ITGAL: variants seen among roughly 807,000 people sequenced by gnomAD.
The protein encoded by ITGAL is integrin subunit alpha L.
Under a neutral mutation model 138.4 loss-of-function variants are expected in ITGAL, and 68 were observed. The observed-to-expected ratio is 0.49, with a 90% confidence interval of 0.40 to 0.60. ITGAL has a LOEUF of 0.60. ITGAL is among the 20% of genes least tolerant of loss of function. The pLI is 0.00. For synonymous variants in ITGAL, 561 were observed against 584.3 expected (o/e 0.96, Z 0.57); for missense variants, 1,256 against 1,478.6 (o/e 0.85, Z 2.47).
At chr16:30,472,984 G>A in intron 1 of ITGAL, 86 bp downstream of exon 1, 1 of 1,305,564 alleles carries the variant, frequency 7.7e-7, no homozygotes, top group Middle Eastern at 1.8e-4. Flanking sequence ...TAAACAAGGA[G>A]CTGCCCCCTA....
rs751774686 is a variant in ITGAL at position 30,496,189 on chromosome 16, C to G, written c.1596C>G (p.Asn532Lys). 1.2e-6 allele frequency: 2 copies of G among 1,614,004 alleles called. No homozygotes were observed. The highest frequency in any genetic ancestry group is 1.7e-6 in the Non-Finnish European group (2 of 1,179,946). ...GEAITALTDI[N>K]GDGLVDVAVG... Reference sequence around the variant, plus strand: ...CCATCACTGCTCTGACAGACATCAACGGCGATGGGCTGGTAGACGTGGCTG... The same window carrying G: ...CCATCACTGCTCTGACAGACATCAAGGGCGATGGGCTGGTAGACGTGGCTG... The change falls in exon 14 of 31, where the codon AAC becomes AAG. Residue 532 changes from asparagine (N) to lysine (K), a missense_variant. Physicochemically the swap from Asn to Lys is moderately conservative, Grantham distance 94 (BLOSUM62 0). Transcript: ENST00000356798.
At position 30,518,666 on chromosome 16, in the gene ITGAL, T is replaced by A. The variant is rs993645624; in HGVS notation, c.3175T>A (p.Phe1059Ile). Residue 1059 changes from phenylalanine to isoleucine, a missense_variant, in exon 29 of 31, where the codon TTC becomes ATC. This residue lies in a region of ITGAL where 867 missense variants were observed against 972.5 expected (regional missense o/e 0.89). Coordinates refer to ENST00000356798, the MANE Select transcript of ITGAL (RefSeq NM_002209.3). ...CCTCTGCAGCTCCCTCTCCATCTCC[T>A]TCAACAGCAGCAAGCATTTCCACCT... ...FSLCSSLSIS[F>I]NSSKHFHLYG... 1 of 1,613,906 alleles carries A rather than the reference T, an allele frequency of 6.2e-7. No homozygotes were observed. Among genetic ancestry groups the A allele is most frequent in the African/African-American group, 1.3e-5 (1 of 74,886 alleles).
In ITGAL at chr16:30,506,775, C is replaced by T. The variant is rs2230434; in HGVS notation, c.2427C>T (p.Asn809=). The T allele has an allele frequency of 0.093, 150,220 of 1,613,518 alleles. 8,329 individuals carry two copies. The highest frequency in any genetic ancestry group is 0.11 in the Non-Finnish European group (133,385 of 1,179,592). Residue 809 remains asparagine (N), a synonymous_variant, in exon 21 of 31, where the codon AAC becomes AAT. Coordinates refer to ENST00000356798, the MANE Select transcript of ITGAL (RefSeq NM_002209.3). ...ASLSVELSLS[N]LEEDAYWVQL... is the part of the protein sequence containing the mutation. The stretch of plus-strand genomic sequence containing the variant: ...TCTCTGTGGAGCTGAGCCTGAGTAA[C>T]TTGGAAGAAGATGCTTACTGGGTCC...
In ITGAL at chr16:30,475,543, T is replaced by A; in HGVS notation, c.290T>A (p.Met97Lys). ...GSNYTSKYLG[M>K]TLATDPTDGS... ...AACTATACCTCCAAGTACTTGGGAA[T>A]GACCTTGGCAACAGACCCCACAGAT... The change falls in exon 4 of 31, where the codon ATG becomes AAG. Residue 97 changes from methionine (M) to lysine (K), a missense_variant. Transcript: ENST00000356798. 1 of 1,614,024 alleles carries A rather than the reference T, an allele frequency of 6.2e-7. No homozygotes were observed. Among genetic ancestry groups the A allele is most frequent in the Non-Finnish European group, 8.5e-7 (1 of 1,179,956 alleles).
At chr16:30,509,825 G>C (rs375065056) in intron 21 of ITGAL, among the ~76,000 whole-genome samples, 1 of 152,020 alleles carries the variant, frequency 6.6e-6, no homozygotes, top group African/African-American at 2.4e-5. Flanking sequence ...GATCTCTTGA[G>C]CCCAGGAGTT....
At chr16:30,515,627 C>A (rs1398767010) in intron 25 of ITGAL, among the ~76,000 whole-genome samples, 3 of 152,168 alleles carry the variant, frequency 2.0e-5, no homozygotes, top group African/African-American at 7.2e-5. Flanking sequence ...GCCATCCTGG[C>A]TCCCCACATG....
intron 11 of ITGAL, among the ~76,000 whole-genome samples, chr16:30,490,387 T>C (rs1305515185): frequency 6.6e-6 from 1 of 152,084 alleles, no homozygotes; most frequent in Non-Finnish European, 1.5e-5. Context: ...AGGCCACCGC[T>C]ATAGCCCAGA....
intron 17 of ITGAL, among the ~76,000 whole-genome samples, chr16:30,499,712 T>TATATATATGTGTATATATATATAC (rs1226341333): frequency 2.5e-3 from 109 of 43,608 alleles, no homozygotes; most frequent in East Asian, 7.6e-3. Context: ...TATATATATA[T>TATATATATGTGTATATATATATAC]GTATATATAT....
intron 25 of ITGAL, among the ~76,000 whole-genome samples, 177 bp from the exon 26 acceptor site, chr16:30,516,796 G>A (rs925828443): frequency 6.6e-6 from 1 of 152,188 alleles, no homozygotes; most frequent in African/African-American, 2.4e-5. Flanking sequence ...AAGCCACACT[G>A]CAAGGCCCTG....
Position 30,494,419 on chromosome 16 carries a change from C to G in ITGAL, c.1365+56C>G. On this transcript the variant is annotated intron_variant, in intron 12 of 30. Coordinates refer to ENST00000356798, the MANE Select transcript of ITGAL (RefSeq NM_002209.3). The surrounding 1 kb of genome is among the most constrained non-coding windows in gnomAD (Gnocchi z 4.2). ...AGGGACTGGCGGGACACACATCACACTCCCTTCTGTCCTTTGAATGCTCAT... is the reference window on the plus strand; with the variant it reads ...AGGGACTGGCGGGACACACATCACAGTCCCTTCTGTCCTTTGAATGCTCAT... The G allele has an allele frequency of 6.6e-7, 1 of 1,525,024 alleles. No homozygotes were observed. Among genetic ancestry groups the G allele is most frequent in the Non-Finnish European group, 8.9e-7 (1 of 1,124,446 alleles). 94.5% of individuals were successfully genotyped at this position (1,525,024 alleles called of 1,614,324 possible). A position where few individuals can be genotyped will look rare whatever the true frequency, so the allele number is the denominator to read the frequency against.
chr16:30,513,818 A>G lies in ITGAL; in HGVS notation c.2834A>G (p.Lys945Arg), dbSNP rs1214752835. The change falls in exon 25 of 31, where the codon AAG becomes AGG. Residue 945 changes from lysine to arginine, a missense_variant. This residue lies in a region of ITGAL where 867 missense variants were observed against 972.5 expected (regional missense o/e 0.89). Transcript: ENST00000356798. ...LYVSFTPKGP[K>R]IHQVKHMYQV... ...GTCAGTTTCACCCCCAAAGGCCCCA[A>G]GATCCACCAAGTCAAGCACATGTAC... is the stretch of plus-strand genomic sequence containing the variant. 6.2e-7 allele frequency: 1 copy of G among 1,613,388 alleles called. No individual in the cohort carries two copies. Among genetic ancestry groups the G allele is most frequent in the South Asian group, 1.1e-5 (1 of 91,066 alleles).
At chr16:30,492,836 G>A (rs761255334) in intron 11 of ITGAL, among the ~76,000 whole-genome samples, 4 of 151,126 alleles carry the variant, frequency 2.6e-5, no homozygotes, top group African/African-American at 4.9e-5. Flanking sequence ...GAGCCACCGC[G>A]CCCGGCAACA....
intron 20 of ITGAL, among the ~76,000 whole-genome samples, chr16:30,505,997 C>T (rs1322820056): frequency 6.6e-6 from 1 of 152,142 alleles, no homozygotes; most frequent in Non-Finnish European, 1.5e-5. Context: ...CGGTGGCTCA[C>T]GCCTATAATC....
intron 6 of ITGAL, 39 bp downstream of exon 6, chr16:30,479,500 G>T (rs1597065324): frequency 6.3e-7 from 1 of 1,595,752 alleles, no homozygotes; most frequent in Non-Finnish European, 8.6e-7. Context: ...GCATGCAATA[G>T]ATGCCTACCT....
At position 30,495,951 on chromosome 16, in the gene ITGAL, T is replaced by A. The variant is rs2050792624; in HGVS notation, c.1504-146T>A. On this transcript the variant is annotated intron_variant, in intron 13 of 30. Coordinates refer to ENST00000356798, the MANE Select transcript of ITGAL (RefSeq NM_002209.3). The stretch of plus-strand genomic sequence containing the variant: ...GTAAGAGGACAGTAAGAGTCTGGGC[T>A]GGTGCTTGAACCCTGGTTAGTCTAA... 1.3e-5 allele frequency: 9 copies of A among 673,678 alleles called. No individual in the cohort carries two copies. In the South Asian group the frequency reaches 1.5e-4, roughly 12 times the overall value. The allele number at this position is 673,678 out of a possible 1,614,324, so 41.7% of individuals were successfully genotyped here.
At chr16:30,517,156 G>A (rs370635340) in intron 26 of ITGAL, 70 bp downstream of exon 26, 1 of 1,066,670 alleles carries the variant, frequency 9.4e-7, no homozygotes, top group Non-Finnish European at 1.4e-6. Flanking sequence ...TGAGGGTACA[G>A]AGGGCAGGGC....
chr16:30,493,058 G>C (rs1445225746), intron 11 of ITGAL, among the ~76,000 whole-genome samples: 1 of 150,768 alleles, frequency 6.6e-6, no homozygotes, highest in African/African-American at 2.4e-5. Flanking sequence ...GCTAGTTTTT[G>C]TAATTTTTTG....
At chr16:30,489,184 C>A (rs767576455) in intron 10 of ITGAL, 29 bp downstream of exon 10, 1 of 1,613,592 alleles carries the variant, frequency 6.2e-7, no homozygotes, top group East Asian at 2.2e-5. Flanking sequence ...CAATGGGCTG[C>A]AGGGAGTGCA....
chr16:30,505,998 G>A (rs563386845), intron 20 of ITGAL, among the ~76,000 whole-genome samples: 8 of 152,320 alleles, frequency 5.3e-5, no homozygotes, highest in South Asian at 2.1e-4. Context: ...GGTGGCTCAC[G>A]CCTATAATCC....
Sources: gnomAD v4.1 joint callset for allele counts (sites outside exome capture counted in the v4.1 genomes callset) on GRCh38, gnomAD v4.1.1 for gene constraint, gnomAD v4.1.1 regional missense constraint, Gnocchi (gnomAD v3.1) non-coding constraint, MANE v1.5 for transcripts, NCBI Gene and HGNC (gene_info 2026-07-23, HGNC 2026-07-21) for gene names.